NUDT19: variants seen among roughly 807,000 people sequenced by gnomAD.
The protein encoded by NUDT19 is acyl-coenzyme A diphosphatase NUDT19.
NUDT19 carries 31 observed loss-of-function variants against 22.2 expected under a neutral mutation model. That is an observed-to-expected ratio of 1.40 (90% confidence interval 1.05 to 1.89). NUDT19 has a LOEUF of 1.89. Ranked by LOEUF, NUDT19 falls within the 40% of genes most tolerant of loss-of-function variation. NUDT19 has a pLI of 0.00. For missense variants in NUDT19, 752 were observed against 514.2 expected, an observed-to-expected ratio of 1.46 and a Z score of -4.47; for synonymous variants, 325 against 230.8, an observed-to-expected ratio of 1.41 and a Z score of -3.70.
intron 1 of NUDT19, among the ~76,000 whole-genome samples, chr19:32,703,405 A>G (rs975463293): frequency 4.6e-5 from 7 of 151,060 alleles, no homozygotes; most frequent in African/African-American, 7.3e-5. Context: ...CTGCAGTGCA[A>G]TGGTGCCATC....
At chr19:32,699,370 A>C (rs945290527) in intron 1 of NUDT19, among the ~76,000 whole-genome samples, 1 of 152,198 alleles carries the variant, frequency 6.6e-6, no homozygotes, top group African/African-American at 2.4e-5. Context: ...CGTGACTTTC[A>C]GAGTTCCATT....
At chr19:32,700,945 T>C (rs1488669776) in intron 1 of NUDT19, among the ~76,000 whole-genome samples, 1 of 151,504 alleles carries the variant, frequency 6.6e-6, no homozygotes. Flanking sequence ...GAAGCTGAGG[T>C]GAGAGGATCC....
intron 1 of NUDT19, among the ~76,000 whole-genome samples, chr19:32,696,248 T>C (rs961458889): frequency 2.0e-5 from 3 of 152,224 alleles, no homozygotes; most frequent in Non-Finnish European, 4.4e-5. Context: ...CTTTGGCACC[T>C]AGTTTGCCAT....
intron 1 of NUDT19, among the ~76,000 whole-genome samples, chr19:32,707,766 C>G (rs1253634776): frequency 6.6e-6 from 1 of 152,022 alleles, no homozygotes; most frequent in African/African-American, 2.4e-5. Flanking sequence ...ATCACAAAGT[C>G]AGGAGATCGA....
chr19:32,700,361 A>G (rs1271514558), intron 1 of NUDT19, among the ~76,000 whole-genome samples: 4 of 151,954 alleles, frequency 2.6e-5, no homozygotes, highest in Non-Finnish European at 5.9e-5. Context: ...GCGTTTTTAC[A>G]GAGTACTGAT....
intron 1 of NUDT19, 60 bp from the exon 2 acceptor site, chr19:32,709,125 C>G (rs1968418411): frequency 8.6e-7 from 1 of 1,156,176 alleles, no homozygotes; most frequent in African/African-American, 1.5e-5. Flanking sequence ...GTCTGACTGT[C>G]TCAAGTCTCA....
chr19:32,694,426 C>T (rs907807253), intron 1 of NUDT19, among the ~76,000 whole-genome samples: 13 of 152,246 alleles, frequency 8.5e-5, no homozygotes, highest in African/African-American at 2.9e-4. Context: ...TAGTTACTAT[C>T]CTTACTGAAT....
At chr19:32,708,990 A>G (rs1192008332) in intron 1 of NUDT19, among the ~76,000 whole-genome samples, 195 bp from the exon 2 acceptor site, 1 of 152,172 alleles carries the variant, frequency 6.6e-6, no homozygotes, top group African/African-American at 2.4e-5. Flanking sequence ...CAGTGTCCTA[A>G]TAAGCAACCT....
Position 32,712,270 on chromosome 19 carries a change from G to T in NUDT19, c.*313G>T. ...TTTTTTGTATTTTTAGTAGAGACGG[G>T]TTTTCACCGTGTTAGCCAGGATGGT... On this transcript the variant is annotated 3_prime_UTR_variant, in exon 3 of 3. Transcript: ENST00000397061. 4.4e-6 allele frequency: 1 copy of T among 224,896 alleles called. No homozygotes were observed. The allele number at this position is 224,896 out of a possible 1,614,324, so 13.9% of individuals were successfully genotyped here.
Position 32,692,359 on chromosome 19 carries a change from TGAG to T in NUDT19, c.404_406del (p.Glu135del). On this transcript the variant is annotated inframe_deletion, in exon 1 of 3. Coordinates refer to ENST00000397061, the MANE Select transcript of NUDT19 (RefSeq NM_001105570.2). ...GCATCTGCGCCGTGCGGGAGGCCTTTGAGGAGGCGGGCGTGCTGCTGCTGCGGC... is the reference window on the plus strand; with the variant it reads ...GCATCTGCGCCGTGCGGGAGGCCTTTGAGGCGGGCGTGCTGCTGCTGCGGC... 1 of 1,590,314 alleles carries T rather than the reference TGAG, an allele frequency of 6.3e-7. No individual in the cohort carries two copies. The highest frequency in any genetic ancestry group is 1.7e-5 in the Admixed American group (1 of 59,502).
At chr19:32,704,502 C>T (rs529142242) in intron 1 of NUDT19, among the ~76,000 whole-genome samples, 21 of 152,110 alleles carry the variant, frequency 1.4e-4, no homozygotes, top group African/African-American at 2.9e-4. Flanking sequence ...CCTTGTGATC[C>T]GCCTGCCTTG....
rs557069608 is a variant in NUDT19 at position 32,697,013 on chromosome 19, A to G, written c.714+4339A>G. Among the ~76,000 whole-genome samples the G allele has an allele frequency of 7.7e-4, 117 of 152,274 alleles. 1 individual carries two copies. The highest frequency in any genetic ancestry group is 1.5e-3 in the Non-Finnish European group (102 of 68,022). The stretch of plus-strand genomic sequence containing the variant: ...TGTGTCTTCCAGTGATTGCCTCGGC[A>G]TAGTGGACATGGGCGAGGGGGCAGC... On this transcript the variant is annotated intron_variant, in intron 1 of 2. Transcript: ENST00000397061.
rs771352786 is a variant in NUDT19, at chr19:32,709,229, A to C, written c.759A>C (p.Glu253Asp). 3 of 1,613,926 alleles carry C rather than the reference A, an allele frequency of 1.9e-6. No individual in the cohort carries two copies. In the East Asian group the frequency reaches 6.7e-5, roughly 36 times the overall value. ...SEATESFLSKEIWLPPPQFYE... is the reference protein window; with the variant it reads ...SEATESFLSKDIWLPPPQFYE... Reference sequence around the variant, plus strand: ...CAACTGAAAGTTTCTTATCAAAAGAAATTTGGTTGCCACCCCCACAGTTCT... The same window carrying C: ...CAACTGAAAGTTTCTTATCAAAAGACATTTGGTTGCCACCCCCACAGTTCT... Residue 253 changes from glutamate to aspartate, a missense_variant, in exon 2 of 3, where the codon GAA becomes GAC. Transcript: ENST00000397061.
chr19:32,699,040 A>G (rs1968300219), intron 1 of NUDT19, among the ~76,000 whole-genome samples: 1 of 152,226 alleles, frequency 6.6e-6, no homozygotes, highest in South Asian at 2.1e-4. Flanking sequence ...TCCTAGTTTC[A>G]GGAATAGCTT....
chr19:32,712,617 T>G lies in NUDT19; in HGVS notation c.*660T>G, dbSNP rs1355991215. 1 of 152,080 alleles carries G rather than the reference T, an allele frequency of 6.6e-6. No homozygotes were observed. The highest frequency in any genetic ancestry group is 1.5e-5 in the Non-Finnish European group (1 of 68,080). The allele number at this position is 152,080 out of a possible 1,614,324, so 9.4% of individuals were successfully genotyped here. ...CATGTTGGCCAGGCTGGTCTCGATCTCCTGACCTCATGATCTGCCCGCCTT... is the reference window on the plus strand; with the variant it reads ...CATGTTGGCCAGGCTGGTCTCGATCGCCTGACCTCATGATCTGCCCGCCTT... On this transcript the variant is annotated 3_prime_UTR_variant, in exon 3 of 3. Coordinates refer to ENST00000397061, the MANE Select transcript of NUDT19 (RefSeq NM_001105570.2).
At chr19:32,692,709 A>C in intron 1 of NUDT19, 35 bp downstream of exon 1, 2 of 1,404,720 alleles carry the variant, frequency 1.4e-6, no homozygotes, top group Non-Finnish European at 9.3e-7. Flanking sequence ...GCGGACCGCC[A>C]GGACGTGAGA....
At chr19:32,693,392 A>G (rs1397272097) in intron 1 of NUDT19, among the ~76,000 whole-genome samples, 2 of 152,138 alleles carry the variant, frequency 1.3e-5, no homozygotes, top group African/African-American at 4.8e-5. Flanking sequence ...TGGCTTCAGG[A>G]GCGAAGCTGC....
intron 1 of NUDT19, among the ~76,000 whole-genome samples, chr19:32,699,676 G>A (rs907639902): frequency 6.6e-6 from 1 of 152,176 alleles, no homozygotes; most frequent in African/African-American, 2.4e-5. Flanking sequence ...GGGGTCCAAA[G>A]GCACTCACCG....
chr19:32,699,385 G>A (rs1968305871), intron 1 of NUDT19, among the ~76,000 whole-genome samples: 1 of 152,294 alleles, frequency 6.6e-6, no homozygotes, highest in Non-Finnish European at 1.5e-5. Context: ...TCCATTCATG[G>A]CTGCAGGGTC....
Sources: allele counts gnomAD v4.1 joint callset (sites outside exome capture counted in the v4.1 genomes callset), GRCh38; gene constraint gnomAD v4.1.1; transcripts MANE v1.5; gene names NCBI Gene and HGNC (gene_info 2026-07-23, HGNC 2026-07-21).